Variants in KIAA1217 observed in about 807,000 individuals in gnomAD.
KIAA1217 encodes sickle tail protein homolog.
KIAA1217 carries 88 observed loss-of-function variants against 163.9 expected under a neutral mutation model. That is an observed-to-expected ratio of 0.54 (90% CI 0.45 to 0.64). The LOEUF (loss-of-function observed/expected upper bound fraction) is 0.64, where lower values mean the gene tolerates loss of function less well. KIAA1217 is among the 30% of genes least tolerant of loss of function. KIAA1217 has a pLI of 0.00. For synonymous variants in KIAA1217, 903 were observed against 923.1 expected (o/e 0.98, Z 0.39); for missense variants, 2,372 against 2,475.0 (o/e 0.96, Z 0.88).
intron 2 of KIAA1217, among the ~76,000 whole-genome samples, chr10:24,226,423 G>A (rs1263965686): frequency 2.0e-5 from 3 of 151,786 alleles, no homozygotes; most frequent in East Asian, 3.9e-4. Context: ...TCAGGAGATC[G>A]AGACCATCCT....
intron 2 of KIAA1217, among the ~76,000 whole-genome samples, chr10:24,174,948 C>T (rs2065800332): frequency 6.6e-6 from 1 of 152,106 alleles, no homozygotes; most frequent in Non-Finnish European, 1.5e-5. Context: ...ACCTCTGCCT[C>T]CCGGGTTCAA....
intron 10 of KIAA1217, among the ~76,000 whole-genome samples, chr10:24,518,446 A>G (rs543310775): frequency 3.3e-5 from 5 of 152,352 alleles, no homozygotes; most frequent in African/African-American, 9.6e-5. Flanking sequence ...TGTGAAATCC[A>G]AGAGGCATAT....
intron 1 of KIAA1217, among the ~76,000 whole-genome samples, chr10:23,735,002 CT>C (rs1423976219): frequency 6.6e-6 from 1 of 151,980 alleles, no homozygotes; most frequent in Non-Finnish European, 1.5e-5. Flanking sequence ...TGTTTTTCCC[CT>C]CTAAAGAAAA....
chr10:24,228,356 A>G (rs1351919784), intron 2 of KIAA1217, among the ~76,000 whole-genome samples: 2 of 151,978 alleles, frequency 1.3e-5, no homozygotes, highest in Non-Finnish European at 2.9e-5. Context: ...AGGATTGTCT[A>G]TTAGGTTGGT....
intron 2 of KIAA1217, among the ~76,000 whole-genome samples, chr10:24,061,367 T>C (rs187034130): frequency 3.9e-5 from 6 of 152,338 alleles, no homozygotes; most frequent in East Asian, 3.9e-4. Flanking sequence ...TTTTCAGTTA[T>C]AGTAAATTTA....
intron 1 of KIAA1217, among the ~76,000 whole-genome samples, chr10:23,867,418 A>G (rs945269255): frequency 3.0e-4 from 45 of 152,116 alleles, no homozygotes; most frequent in South Asian, 1.0e-3. Context: ...TCCCTGAGGA[A>G]TCGCCACACT....
intron 2 of KIAA1217, among the ~76,000 whole-genome samples, chr10:24,195,171 A>G (rs900072897): frequency 6.6e-6 from 1 of 152,112 alleles, no homozygotes; most frequent in Admixed American, 6.6e-5. Context: ...CTTCAGGCCT[A>G]GGAGAAGTAA....
At chr10:23,945,295 A>G (rs1287127292) in intron 1 of KIAA1217, among the ~76,000 whole-genome samples, 1 of 152,238 alleles carries the variant, frequency 6.6e-6, no homozygotes, top group African/African-American at 2.4e-5. Context: ...CAACACAGCA[A>G]TAAAAGAGGT....
At chr10:24,353,659 G>T (rs186293921) in intron 2 of KIAA1217, among the ~76,000 whole-genome samples, 97 of 152,294 alleles carry the variant, frequency 6.4e-4, no homozygotes, top group African/African-American at 2.2e-3. Context: ...CAGTTTTTCA[G>T]TGTAGGGCCA....
At chr10:24,500,790 T>G (rs985586804) in intron 8 of KIAA1217, among the ~76,000 whole-genome samples, 6 of 152,146 alleles carry the variant, frequency 3.9e-5, no homozygotes, top group Admixed American at 6.6e-5. Context: ...ATTTTAGAAA[T>G]ACAAAAAATT....
Position 24,352,846 on chromosome 10 carries a change from C to T in KIAA1217, c.355-28023C>T, listed in dbSNP as rs149085562. Among the ~76,000 whole-genome samples, 266 of 152,098 alleles carry T rather than the reference C, an allele frequency of 1.7e-3. 2 individuals are homozygous for T. The highest frequency in any genetic ancestry group is 5.9e-3 in the African/African-American group (246 of 41,502). On this transcript the variant is annotated intron_variant, in intron 2 of 20. Coordinates refer to ENST00000376454, the MANE Select transcript of KIAA1217 (RefSeq NM_019590.5). Reference sequence around the variant, plus strand: ...AAATATGAGTGACCTCGACTTTGTCCTAAACCCCCATGGCTTAAAGTGCAA... The same window carrying T: ...AAATATGAGTGACCTCGACTTTGTCTTAAACCCCCATGGCTTAAAGTGCAA...
At chr10:24,098,487 A>T (rs975725763) in intron 2 of KIAA1217, among the ~76,000 whole-genome samples, 5 of 152,056 alleles carry the variant, frequency 3.3e-5, no homozygotes, top group Non-Finnish European at 5.9e-5. Flanking sequence ...GTGAGTGGAG[A>T]AGGGTCTACT....
chr10:23,995,450 C>CTCTGTGTGTG (rs980015208), intron 1 of KIAA1217, among the ~76,000 whole-genome samples: 4 of 147,724 alleles, frequency 2.7e-5, no homozygotes, highest in African/African-American at 1.0e-4. Context: ...CAATTATGGC[C>CTCTGTGTGTG]TGTGTGTGTG....
At chr10:24,434,076 G>C (rs909895032) in intron 4 of KIAA1217, among the ~76,000 whole-genome samples, 2 of 113,324 alleles carry the variant, frequency 1.8e-5, no homozygotes, top group Non-Finnish European at 1.6e-5. Context: ...TTGCTCTTTC[G>C]CCCAGGCTGG....
chr10:23,724,337 C>G (rs868552292), intron 1 of KIAA1217, among the ~76,000 whole-genome samples: 42 of 152,240 alleles, frequency 2.8e-4, no homozygotes, highest in African/African-American at 9.1e-4. Context: ...GTAAAAAGTT[C>G]TATCACCTAA....
intron 1 of KIAA1217, among the ~76,000 whole-genome samples, chr10:23,974,036 A>T (rs1301544553): frequency 6.6e-6 from 1 of 152,206 alleles, no homozygotes; most frequent in East Asian, 1.9e-4. Flanking sequence ...TTATTCATTA[A>T]CCAAAAGAAA....
chr10:24,531,263 A>G lies in KIAA1217; in HGVS notation c.3083-567A>G, dbSNP rs115693870. Among the ~76,000 whole-genome samples the G allele has an allele frequency of 6.6e-3, 999 of 152,134 alleles. 10 individuals carry two copies. The highest frequency in any genetic ancestry group is 0.023 in the African/African-American group (948 of 41,480). The stretch of plus-strand genomic sequence containing the variant: ...AAAAATCAAATCCACTTCCTCTCCA[A>G]CTTTGTTCTTTGTTCTCATTTGCAT... On this transcript the variant is annotated intron_variant, in intron 14 of 20. Coordinates refer to ENST00000376454, the MANE Select transcript of KIAA1217 (RefSeq NM_019590.5).
At chr10:23,700,420 C>A (rs993385542) in intron 1 of KIAA1217, among the ~76,000 whole-genome samples, 2 of 152,110 alleles carry the variant, frequency 1.3e-5, no homozygotes, top group Non-Finnish European at 2.9e-5. Flanking sequence ...CCATACACAG[C>A]CACAGCAATA....
chr10:23,777,759 G>C lies in KIAA1217; in HGVS notation c.-321+82525G>C, dbSNP rs559037556. Reference sequence around the variant, plus strand: ...GTAAGGTCACAAGGAGTCATATGTAGGCTCATGTGTTCACACTCACATATT... The same window carrying C: ...GTAAGGTCACAAGGAGTCATATGTACGCTCATGTGTTCACACTCACATATT... On this transcript the variant is annotated intron_variant, in intron 1 of 18. Transcript: ENST00000376462. Among the ~76,000 whole-genome samples, 12 of 152,022 alleles carry C rather than the reference G, an allele frequency of 7.9e-5. No individual in the cohort carries two copies. The South Asian group carries it at 1.5e-3, about 18-fold the overall frequency.
Sources: gnomAD v4.1 joint callset for allele counts (sites outside exome capture counted in the v4.1 genomes callset) on GRCh38, gnomAD v4.1.1 for gene constraint, MANE v1.5 for transcripts, NCBI Gene and HGNC (gene_info 2026-07-23, HGNC 2026-07-21) for gene names.